The following COL19A1 variants were observed in gnomAD, a reference collection of about 807,000 sequenced individuals.
COL19A1 encodes the protein collagen type XIX alpha 1 chain.
COL19A1 carries 159 observed loss-of-function variants against 190.2 expected under a neutral mutation model. The observed-to-expected ratio is 0.84, with a 90% confidence interval of 0.73 to 0.95. COL19A1 has a LOEUF of 0.95. Ranked by LOEUF, COL19A1 falls within the 40% of genes least tolerant of loss-of-function variation. COL19A1 has a pLI of 0.00. For missense variants in COL19A1, 1,418 were observed against 1,431.9 expected, an observed-to-expected ratio of 0.99 and a Z score of 0.16; for synonymous variants, 509 against 458.9, an observed-to-expected ratio of 1.11 and a Z score of -1.39.
chr6:70,190,145 T>C (rs1333442749), intron 47 of COL19A1, among the ~76,000 whole-genome samples, 170 bp from the exon 48 acceptor site: 1 of 152,248 alleles, frequency 6.6e-6, no homozygotes, highest in Non-Finnish European at 1.5e-5. Flanking sequence ...TCCCAGAATT[T>C]GGTCAAAGCA....
At chr6:70,040,049 A>G (rs1582754287) in intron 14 of COL19A1, among the ~76,000 whole-genome samples, 1 of 152,220 alleles carries the variant, frequency 6.6e-6, no homozygotes, top group South Asian at 2.1e-4. Flanking sequence ...TATAGGCAGG[A>G]ACCACTGAGT....
At chr6:69,933,673 G>A (rs1325338749) in intron 7 of COL19A1, among the ~76,000 whole-genome samples, 6 of 151,916 alleles carry the variant, frequency 3.9e-5, no homozygotes, top group African/African-American at 1.2e-4. Flanking sequence ...AATACTTTCT[G>A]TATCTCTCAG....
intron 15 of COL19A1, among the ~76,000 whole-genome samples, chr6:70,076,146 T>C (rs1781871221): frequency 6.6e-6 from 1 of 152,076 alleles, no homozygotes; most frequent in South Asian, 2.1e-4. Flanking sequence ...GGTGGACCCA[T>C]TTCAGGAACA....
intron 4 of COL19A1, among the ~76,000 whole-genome samples, chr6:69,909,761 A>G (rs922809980): frequency 7.2e-5 from 11 of 152,306 alleles, no homozygotes; most frequent in African/African-American, 2.2e-4. Context: ...GAACTGATAT[A>G]CGATTTTCCC....
intron 16 of COL19A1, among the ~76,000 whole-genome samples, chr6:70,108,221 T>C (rs1784083177): frequency 1.3e-5 from 2 of 152,172 alleles, no homozygotes; most frequent in South Asian, 4.1e-4. Flanking sequence ...AAAAAGCGTT[T>C]ATTAAAAACC....
At chr6:69,948,342 C>T (rs749292569) in intron 9 of COL19A1, among the ~76,000 whole-genome samples, 1 of 151,866 alleles carries the variant, frequency 6.6e-6, no homozygotes, top group Middle Eastern at 3.4e-3. Context: ...CCTTTGAATG[C>T]TTTAAAACAG....
At chr6:69,896,230 T>C (rs931143751) in intron 2 of COL19A1, among the ~76,000 whole-genome samples, 1 of 152,168 alleles carries the variant, frequency 6.6e-6, no homozygotes, top group Non-Finnish European at 1.5e-5. Context: ...TCATATATAT[T>C]TAGCTTTAGT....
intron 11 of COL19A1, among the ~76,000 whole-genome samples, chr6:70,022,256 G>A (rs374023428): frequency 1.3e-5 from 2 of 152,026 alleles, no homozygotes; most frequent in Non-Finnish European, 2.9e-5. Context: ...ACAGACATAC[G>A]CAGAGGGATA....
At chr6:69,927,110 A>C (rs1772449506) in intron 4 of COL19A1, among the ~76,000 whole-genome samples, 1 of 152,184 alleles carries the variant, frequency 6.6e-6, no homozygotes, top group African/African-American at 2.4e-5. Flanking sequence ...AATAGGAAGG[A>C]AATTCCTTTA....
chr6:70,082,594 T>G (rs111961715), intron 15 of COL19A1, among the ~76,000 whole-genome samples: 2,561 of 152,180 alleles, frequency 0.017, 68 homozygotes, highest in African/African-American at 0.057. Flanking sequence ...GTATTTTTAG[T>G]AGAGACGGGT....
chr6:70,185,566 T>A (rs1052960539), intron 46 of COL19A1, among the ~76,000 whole-genome samples: 3 of 152,308 alleles, frequency 2.0e-5, no homozygotes, highest in Admixed American at 6.5e-5. Flanking sequence ...TTTTGTGTTG[T>A]TTGGAGCGTT....
At chr6:70,040,975 C>G (rs962240372) in intron 14 of COL19A1, among the ~76,000 whole-genome samples, 1 of 152,050 alleles carries the variant, frequency 6.6e-6, no homozygotes, top group Non-Finnish European at 1.5e-5. Context: ...TTTTGTAAAA[C>G]AGTGTCCAAG....
chr6:69,993,418 C>A (rs765345199), intron 11 of COL19A1, among the ~76,000 whole-genome samples: 22 of 152,086 alleles, frequency 1.4e-4, no homozygotes, highest in South Asian at 1.2e-3. Flanking sequence ...TTGAAATTTT[C>A]TTTTTAAATT....
intron 34 of COL19A1, among the ~76,000 whole-genome samples, chr6:70,157,085 T>C (rs779129596): frequency 3.3e-5 from 5 of 152,114 alleles, no homozygotes; most frequent in Non-Finnish European, 7.4e-5. Flanking sequence ...GGAATAGTAG[T>C]TGGACAACCA....
chr6:70,110,206 A>C (rs1238295236), intron 16 of COL19A1, among the ~76,000 whole-genome samples: 3 of 152,166 alleles, frequency 2.0e-5, no homozygotes, highest in Non-Finnish European at 4.4e-5. Flanking sequence ...ATGTGACTAC[A>C]TGCATTTTGA....
chr6:70,022,361 A>T (rs555449988), intron 11 of COL19A1, among the ~76,000 whole-genome samples: 1 of 152,262 alleles, frequency 6.6e-6, no homozygotes, highest in African/African-American at 2.4e-5. Context: ...AAAAAAATTT[A>T]AAAACAGGAG....
At position 70,184,767 on chromosome 6, in the gene COL19A1, T is replaced by C. The variant is rs758844225; in HGVS notation, c.2811+29T>C. ...TGGGAAATATGATTTAAAATAAAAG[T>C]TATAATGCATACTGCATCCAGAATA... On this transcript the variant is annotated intron_variant, in intron 45 of 50. Coordinates refer to ENST00000620364, the MANE Select transcript of COL19A1 (RefSeq NM_001858.6). The C allele has an allele frequency of 1.5e-5, 24 of 1,603,432 alleles. No individual in the cohort carries two copies. In the East Asian group the frequency reaches 5.1e-4, roughly 34 times the overall value.
chr6:70,040,352 A>G (rs1313524934), intron 14 of COL19A1, among the ~76,000 whole-genome samples: 1 of 152,208 alleles, frequency 6.6e-6, no homozygotes, highest in African/African-American at 2.4e-5. Flanking sequence ...TGAAACACAG[A>G]CTGGAGTCCT....
At chr6:69,874,511 G>A (rs1768016670) in intron 1 of COL19A1, among the ~76,000 whole-genome samples, 1 of 152,178 alleles carries the variant, frequency 6.6e-6, no homozygotes, top group African/African-American at 2.4e-5. Context: ...CAGCACTTTG[G>A]GAGGCCAAGG....
Sources: allele counts gnomAD v4.1 joint callset (sites outside exome capture counted in the v4.1 genomes callset), GRCh38; gene constraint gnomAD v4.1.1; transcripts MANE v1.5; gene names NCBI Gene and HGNC (gene_info 2026-07-23, HGNC 2026-07-21).